Variants in PIEZO2 observed in about 807,000 individuals in gnomAD.
The protein encoded by PIEZO2 is piezo type mechanosensitive ion channel component 2.
PIEZO2 carries 172 observed loss-of-function variants against 337.3 expected under a neutral mutation model. That is an observed-to-expected ratio of 0.51 (90% CI 0.45 to 0.58). The LOEUF is 0.58. Among genes scored for constraint, PIEZO2 ranks in the 20% least tolerant of loss-of-function variants. The pLI, the probability that PIEZO2 is intolerant of heterozygous loss-of-function variation, is 0.00. For synonymous variants in PIEZO2, 1,251 were observed against 1,228.5 expected, an observed-to-expected ratio of 1.02 and a Z score of -0.38; for missense variants, 3,028 against 3,391.3, an observed-to-expected ratio of 0.89 and a Z score of 2.66.
chr18:10,718,978 AAAATAAATAAATAAATAAAT>A (rs372748367), intron 36 of PIEZO2, among the ~76,000 whole-genome samples: 14 of 142,964 alleles, frequency 9.8e-5, no homozygotes, highest in African/African-American at 2.8e-4. Context: ...GACCTTGTCT[AAAATAAATAAATAAATAAAT>A]AAATAAATAA....
intron 7 of PIEZO2, among the ~76,000 whole-genome samples, chr18:10,822,794 G>T (rs1410401964): frequency 1.3e-5 from 2 of 152,190 alleles, no homozygotes; most frequent in East Asian, 3.8e-4. Context: ...GTTTCTAAAA[G>T]GGAGTATGAA....
Position 10,716,554 on chromosome 18 carries a change from G to A in PIEZO2, c.5090-738C>T, listed in dbSNP as rs17565338. Among the ~76,000 whole-genome samples, 26,946 of 152,044 alleles carry A rather than the reference G, an allele frequency of 0.18. 2,875 individuals are homozygous for A. The highest frequency in any genetic ancestry group is 0.29 in the South Asian group (1,393 of 4,812). On this transcript the variant is annotated intron_variant, in intron 37 of 55. Transcript: ENST00000674853. This position sits in a 1 kb window ranked among gnomAD's most constrained non-coding sequence, Gnocchi z 4.1. ...GAGCGGGTATCTTTTGCTGAGCAAG[G>A]AGGCACAGGAAGAGAACGGCCGCTG... is the stretch of plus-strand genomic sequence containing the variant.
rs761514214 is a variant in PIEZO2, at chr18:10,671,713, C to T, written c.8412G>A (p.Gly2804=). ...CTTCAAACATGATGGAGTGAGAAAT[C>T]CCACTGAAGAATTCACGGACAAATT... The part of the protein sequence containing the change: ...IGKFVREFFS[G]ISHSIMFEEL... The change falls in exon 56 of 56, where the codon GGG becomes GGA. Residue 2804 remains glycine, a synonymous_variant. Transcript: ENST00000674853. 47 of 1,613,784 alleles carry T rather than the reference C, an allele frequency of 2.9e-5. No homozygotes were observed. The highest frequency in any genetic ancestry group is 3.9e-5 in the Non-Finnish European group (46 of 1,179,908).
chr18:10,793,149 C>T (rs12967902), intron 13 of PIEZO2, among the ~76,000 whole-genome samples: 24,668 of 152,048 alleles, frequency 0.16, 2,657 homozygotes, highest in East Asian at 0.35. Flanking sequence ...GTCCCAGCTA[C>T]TCGGGAGGCT....
chr18:11,053,657 C>T (rs1343190993), intron 2 of PIEZO2, among the ~76,000 whole-genome samples: 1 of 152,202 alleles, frequency 6.6e-6, no homozygotes, highest in African/African-American at 2.4e-5. Context: ...ATAAAATACA[C>T]TCTTCTACCA....
chr18:11,017,693 G>A (rs534830561), intron 2 of PIEZO2, among the ~76,000 whole-genome samples: 1 of 152,240 alleles, frequency 6.6e-6, no homozygotes, highest in East Asian at 1.9e-4. Context: ...CCTCTGCCTG[G>A]AACATTCTTC....
chr18:10,858,407 T>C (rs2041785981), intron 5 of PIEZO2, among the ~76,000 whole-genome samples: 1 of 151,686 alleles, frequency 6.6e-6, no homozygotes, highest in African/African-American at 2.4e-5. Context: ...AAAAGGAGTC[T>C]GTCTGAGATG....
Position 10,791,221 on chromosome 18 carries a change from C to A in PIEZO2, c.1862G>T (p.Ser621Ile). The A allele has an allele frequency of 6.5e-7, 1 of 1,536,032 alleles. No individual in the cohort carries two copies. The highest frequency in any genetic ancestry group is 8.7e-7 in the Non-Finnish European group (1 of 1,146,248). The change falls in exon 14 of 56, where the codon AGT (serine) becomes ATT (isoleucine). Residue 621 changes from serine (S) to isoleucine (I), a missense_variant. By Grantham distance (142) the Ser-to-Ile change is moderately radical. Transcript: ENST00000674853. Reference sequence around the variant, plus strand: ...TTTACCTTTTTCTTCATTTTCCTGACTGCCAATTTTGACTTCCGATAAAAG... The same window carrying A: ...TTTACCTTTTTCTTCATTTTCCTGAATGCCAATTTTGACTTCCGATAAAAG... ...EALLSEVKIG[S>I]QENEEKDEEL...
chr18:10,734,766 G>A (rs942687373), intron 35 of PIEZO2, among the ~76,000 whole-genome samples: 3 of 152,184 alleles, frequency 2.0e-5, no homozygotes, highest in South Asian at 2.1e-4. Flanking sequence ...TGGCTGTACC[G>A]AGTGCAGAAA....
chr18:11,036,201 T>C lies in PIEZO2; in HGVS notation c.160+29926A>G, dbSNP rs140529816. Among the ~76,000 whole-genome samples, 433 of 152,328 alleles carry C rather than the reference T, an allele frequency of 2.8e-3. 3 individuals carry two copies. The highest frequency in any genetic ancestry group is 9.6e-3 in the African/African-American group (398 of 41,578). On this transcript the variant is annotated intron_variant, in intron 2 of 55. Transcript: ENST00000674853. The stretch of plus-strand genomic sequence containing the variant: ...TGCCTAAGGTAAGCAGGAAAATAGC[T>C]TTGGTTATTTTACTTGCTGAAGAGG...
At chr18:10,838,296 T>C (rs567913025) in intron 7 of PIEZO2, among the ~76,000 whole-genome samples, 1 of 152,338 alleles carries the variant, frequency 6.6e-6, no homozygotes, top group South Asian at 2.1e-4. Context: ...ATTGGTTTCT[T>C]ACTTATGCTT....
intron 2 of PIEZO2, among the ~76,000 whole-genome samples, chr18:11,010,972 T>C (rs1262657885): frequency 6.6e-6 from 1 of 152,252 alleles, no homozygotes. Flanking sequence ...TAAATTGATG[T>C]GTTCATGCGA....
rs2038699560 is a variant in PIEZO2 at position 10,774,023 on chromosome 18, T to C, written c.2550A>G (p.Leu850=). ...YLIINSIKKK[L]PIHQNELAHP... ...GGACTTACTCATTTTGGTGGATTGG[T>C]AATTTTTTCTTGATGCTGCTCATAG... Residue 850 remains leucine, a synonymous_variant, in exon 19 of 56, where the codon TTA becomes TTG. Transcript: ENST00000674853. 1.4e-6 allele frequency: 1 copy of C among 702,962 alleles called. No homozygotes were observed. Among genetic ancestry groups the C allele is most frequent in the African/African-American group, 1.7e-5 (1 of 57,228 alleles). The allele number at this position is 702,962 out of a possible 1,614,324, so 43.5% of individuals were successfully genotyped here.
chr18:11,045,243 T>C (rs1204072709), intron 2 of PIEZO2, among the ~76,000 whole-genome samples: 1 of 138,144 alleles, frequency 7.2e-6, no homozygotes, highest in African/African-American at 2.8e-5. Flanking sequence ...AGAGCTTGCT[T>C]TGAGATCGCG....
At position 10,713,289 on chromosome 18, in the gene PIEZO2, A is replaced by G. The variant is rs1203471070; in HGVS notation, c.5423+1475T>C. ...ATTGGGTAGCAAAATAATTGGCATA[A>G]TTAGAGAGGCTCAAATACAGGAATG... On this transcript the variant is annotated intron_variant, in intron 39 of 55. Coordinates refer to ENST00000674853, the MANE Select transcript of PIEZO2 (RefSeq NM_001378183.1). This position sits in a 1 kb window ranked among gnomAD's most constrained non-coding sequence, Gnocchi z 4.5. Among the ~76,000 whole-genome samples, 2 of 152,200 alleles carry G rather than the reference A, an allele frequency of 1.3e-5. No individual in the cohort carries two copies. The highest frequency in any genetic ancestry group is 4.8e-5 in the African/African-American group (2 of 41,454).
chr18:10,916,624 C>T (rs1371723660), intron 3 of PIEZO2, among the ~76,000 whole-genome samples: 5 of 152,154 alleles, frequency 3.3e-5, no homozygotes, highest in Non-Finnish European at 5.9e-5. Flanking sequence ...CGTCGGCCGG[C>T]GAGTGCAAGC....
At chr18:10,849,581 G>A (rs1030839095) in intron 7 of PIEZO2, among the ~76,000 whole-genome samples, 2 of 152,070 alleles carry the variant, frequency 1.3e-5, no homozygotes, top group African/African-American at 2.4e-5. Context: ...GACAGAAGCC[G>A]CCCAAGGATC....
rs2035998329 is a variant in PIEZO2 at position 10,716,029 on chromosome 18, C to T, written c.5090-213G>A. On this transcript the variant is annotated intron_variant, in intron 37 of 55. Transcript: ENST00000674853. This position sits in a 1 kb window ranked among gnomAD's most constrained non-coding sequence, Gnocchi z 4.1. ...GCACACACGCAGTGGCAGACCAAAT[C>T]AGGATAGAACTTGTAATCTTTAGTG... 1.3e-5 allele frequency among the ~76,000 whole-genome samples: 2 copies of T among 152,160 alleles called. No individual in the cohort carries two copies. Among genetic ancestry groups the T allele is most frequent in the Admixed American group, 6.5e-5 (1 of 15,284 alleles).
At chr18:10,754,488 A>G (rs2037761767) in intron 27 of PIEZO2, among the ~76,000 whole-genome samples, 1 of 152,240 alleles carries the variant, frequency 6.6e-6, no homozygotes, top group Admixed American at 6.5e-5. Flanking sequence ...GAAACAGAAC[A>G]AAAATTTGAA....
Sources: gnomAD v4.1 joint callset for allele counts (sites outside exome capture counted in the v4.1 genomes callset) on GRCh38, gnomAD v4.1.1 for gene constraint, Gnocchi (gnomAD v3.1) non-coding constraint, MANE v1.5 for transcripts, NCBI Gene and HGNC (gene_info 2026-07-23, HGNC 2026-07-21) for gene names.